Variants in CCNJL observed in about 807,000 individuals in gnomAD.
The protein encoded by CCNJL is cyclin J like, also known as cyclin-J-like protein.
A neutral mutation model predicts 33.4 loss-of-function variants in CCNJL; 33 were observed. That is an observed-to-expected ratio of 0.99 (90% CI 0.75 to 1.32). CCNJL has a LOEUF of 1.32. Among genes scored for constraint, CCNJL ranks in the 40% most tolerant of loss-of-function variants. The pLI is 0.00. For missense variants in CCNJL, 512 were observed against 499.7 expected, an observed-to-expected ratio of 1.02 and a Z score of -0.23; for synonymous variants, 227 against 220.9, an observed-to-expected ratio of 1.03 and a Z score of -0.24.
At chr5:160,334,703 A>T (rs958110760) in intron 1 of CCNJL, among the ~76,000 whole-genome samples, 1 of 152,184 alleles carries the variant, frequency 6.6e-6, no homozygotes, top group South Asian at 2.1e-4. Context: ...AACTTCACAC[A>T]CCGCTGTTGT....
chr5:160,319,919 C>CAATA (rs1329766678), intron 1 of CCNJL, among the ~76,000 whole-genome samples: 99 of 151,442 alleles, frequency 6.5e-4, no homozygotes, highest in African/African-American at 2.0e-3. Flanking sequence ...GACCCTGTCT[C>CAATA]AATAAATAAA....
chr5:160,307,741 G>A (rs1287726688), intron 2 of CCNJL, among the ~76,000 whole-genome samples: 1 of 152,262 alleles, frequency 6.6e-6, no homozygotes, highest in East Asian at 1.9e-4. Context: ...CCAGCAGAAA[G>A]GTCAGAGGAG....
chr5:160,305,841 C>A (rs367823860), intron 2 of CCNJL, among the ~76,000 whole-genome samples: 1 of 152,202 alleles, frequency 6.6e-6, no homozygotes, highest in Admixed American at 6.5e-5. Context: ...TGCTGGCACA[C>A]TGCCTGAAAT....
At chr5:160,292,949 T>C (rs907284740) in intron 2 of CCNJL, among the ~76,000 whole-genome samples, 3 of 152,188 alleles carry the variant, frequency 2.0e-5, no homozygotes, top group African/African-American at 7.2e-5. Flanking sequence ...ATCCCTACAT[T>C]ACAGACAAGG....
At chr5:160,278,601 C>T (rs1762096760) in intron 3 of CCNJL, among the ~76,000 whole-genome samples, 1 of 152,170 alleles carries the variant, frequency 6.6e-6, no homozygotes. Context: ...TGGGTGGGGG[C>T]GTCTGCCTCT....
rs986811226 is a variant in CCNJL, at chr5:160,251,518, G to A, written c.*1860C>T. On this transcript the variant is annotated 3_prime_UTR_variant, in exon 6 of 6. Coordinates refer to ENST00000257536, the MANE Select transcript of CCNJL (RefSeq NM_001308173.3). Reference sequence around the variant, plus strand: ...CAGGGAGGCCCAGCTCCTACTCAGAGGGCAGGACTCAGCTCCCGAGGTCTT... The same window carrying A: ...CAGGGAGGCCCAGCTCCTACTCAGAAGGCAGGACTCAGCTCCCGAGGTCTT... 6.6e-6 allele frequency: 1 copy of A among 152,280 alleles called. No individual in the cohort carries two copies. The highest frequency in any genetic ancestry group is 2.4e-5 in the African/African-American group (1 of 41,452). 9.4% of individuals were successfully genotyped at this position (152,280 alleles called of 1,614,324 possible). A position where few individuals can be genotyped will look rare whatever the true frequency, so the allele number is the denominator to read the frequency against.
intron 2 of CCNJL, among the ~76,000 whole-genome samples, chr5:160,307,154 A>T (rs2113446658): frequency 6.6e-6 from 1 of 152,122 alleles, no homozygotes; most frequent in African/African-American, 2.4e-5. Context: ...GGGCTGTCTC[A>T]CTCTTTTGTG....
chr5:160,262,893 C>G (rs912677989), intron 3 of CCNJL, among the ~76,000 whole-genome samples: 1 of 152,248 alleles, frequency 6.6e-6, no homozygotes, highest in Non-Finnish European at 1.5e-5. Context: ...AGCACCGTTA[C>G]TCAGCTGCTT....
rs1293770076 is a variant in CCNJL at position 160,311,968 on chromosome 5, G to GCA, written c.-47_-46dup. ...TCCGAGGCTACCCGGCTCTCAGGGC[G>GCA]CACCCTGCGTGGACACGGGCAACTT... On this transcript the variant is annotated 5_prime_UTR_variant, in exon 2 of 6. An upstream open reading frame in the 5' UTR gains an earlier in-frame stop. Transcript: ENST00000257536. 13 of 1,589,246 alleles carry GCA rather than the reference G, an allele frequency of 8.2e-6. No individual in the cohort carries two copies. The highest frequency in any genetic ancestry group is 1.1e-5 in the Non-Finnish European group (13 of 1,158,330).
chr5:160,333,676 C>T (rs1763640400), intron 1 of CCNJL, among the ~76,000 whole-genome samples: 1 of 151,914 alleles, frequency 6.6e-6, no homozygotes, highest in Non-Finnish European at 1.5e-5. Flanking sequence ...GAGTTGTTTT[C>T]TGTCCCTCTC....
intron 1 of CCNJL, among the ~76,000 whole-genome samples, chr5:160,336,511 C>T (rs374171359): frequency 7.2e-5 from 11 of 152,354 alleles, no homozygotes; most frequent in East Asian, 1.9e-4. Flanking sequence ...AGAGTAAGCG[C>T]GGCCCTGCTG....
At chr5:160,315,515 AAAAC>A (rs1207216438), upstream of CCNJL, 3 of 330,580 alleles carry the variant, frequency 9.1e-6, no homozygotes, top group South Asian at 6.3e-5. Flanking sequence ...TCTGAAAACA[AAAAC>A]AAAAACAAGA....
rs138268750 is a variant in CCNJL, at chr5:160,320,996, T to TTCTC, written n.207-5495_207-5492dup. 9.4e-4 allele frequency among the ~76,000 whole-genome samples: 91 copies of TTCTC among 97,152 alleles called. 4 individuals are homozygous for TTCTC. The highest frequency in any genetic ancestry group is 3.3e-3 in the South Asian group (8 of 2,420). The allele number at this position is 97,152 out of a possible 152,430, so 63.7% of individuals were successfully genotyped here. On this transcript the variant is annotated intron_variant and non_coding_transcript_variant, in intron 1 of 7. Transcript: ENST00000377503. ...TCCCTCCCTCTCTCTCTTTCTTTCT[T>TTCTC]TCTCTCTCTCTCTCTCTCTTTCTTT...
chr5:160,309,781 A>G (rs1763205785), intron 2 of CCNJL, among the ~76,000 whole-genome samples: 1 of 152,194 alleles, frequency 6.6e-6, no homozygotes. Context: ...TAACCAAAGG[A>G]ACTTGGGATT....
chr5:160,265,207 T>G (rs555530234), intron 3 of CCNJL, among the ~76,000 whole-genome samples: 23 of 152,338 alleles, frequency 1.5e-4, no homozygotes, highest in African/African-American at 5.5e-4. Flanking sequence ...CGTGGGAAGA[T>G]GCCTACTGAT....
chr5:160,319,686 G>GT (rs1763417313), intron 1 of CCNJL, among the ~76,000 whole-genome samples: 2 of 152,144 alleles, frequency 1.3e-5, no homozygotes, highest in Admixed American at 6.6e-5. Flanking sequence ...ATCCCAGTAC[G>GT]TTGGGAGGCT....
At chr5:160,315,543 G>T, upstream of CCNJL, 1 of 178,346 alleles carries the variant, frequency 5.6e-6, no homozygotes, top group South Asian at 5.4e-5. Flanking sequence ...AGAATAAGCT[G>T]TCTTTAAGGG....
intron 2 of CCNJL, among the ~76,000 whole-genome samples, chr5:160,289,801 C>A (rs935608226): frequency 2.2e-4 from 34 of 152,170 alleles, no homozygotes; most frequent in African/African-American, 8.2e-4. Context: ...CTTTTCCCAA[C>A]CCCCGTCCCC....
rs911758435 is a variant in CCNJL, at chr5:160,251,385, T to C, written c.*1993A>G. 2 of 152,184 alleles carry C rather than the reference T, an allele frequency of 1.3e-5. No individual in the cohort carries two copies. Among genetic ancestry groups the C allele is most frequent in the Non-Finnish European group, 2.9e-5 (2 of 68,038 alleles). The allele number at this position is 152,184 out of a possible 1,614,324, so 9.4% of individuals were successfully genotyped here. A position where few individuals can be genotyped will look rare whatever the true frequency, so the allele number is the denominator to read the frequency against. On this transcript the variant is annotated 3_prime_UTR_variant, in exon 6 of 6. Coordinates refer to ENST00000257536, the MANE Select transcript of CCNJL (RefSeq NM_001308173.3). ...AATCACATGAGCCAATTCCTTAAAA[T>C]AAATCTCTCTCCATATATATCCTAC...
Sources: allele counts gnomAD v4.1 joint callset (sites outside exome capture counted in the v4.1 genomes callset), GRCh38; gene constraint gnomAD v4.1.1; transcripts MANE v1.5; gene names NCBI Gene and HGNC (gene_info 2026-07-23, HGNC 2026-07-21).